Variants in PGBD2 observed in about 807,000 individuals in gnomAD.
PGBD2 encodes piggyBac transposable element-derived protein 2.
In PGBD2, 6 loss-of-function variants were observed where a neutral mutation model predicts 8.1. That is an observed-to-expected ratio of 0.74 (90% confidence interval 0.40 to 1.46). The LOEUF is 1.46. Ranked by LOEUF, PGBD2 falls within the 40% of genes most tolerant of loss-of-function variation. The probability of loss-of-function intolerance (pLI) is 0.02; values close to 1 mark genes in which losing one functional copy is unlikely to be tolerated. For synonymous variants in PGBD2, 318 were observed against 272.2 expected (o/e 1.17, Z -1.66); for missense variants, 802 against 739.0 (o/e 1.09, Z -0.99).
intron 1 of PGBD2, 23 bp from the exon 2 acceptor site, chr1:248,913,793 A>T: frequency 7.8e-7 from 1 of 1,280,450 alleles, no homozygotes; most frequent in Admixed American, 1.9e-5. Flanking sequence ...TTTTTTTTTA[A>T]ATTGACTTTT....
upstream of PGBD2, among the ~76,000 whole-genome samples, chr1:248,905,226 C>A (rs530062266): frequency 6.6e-6 from 1 of 152,184 alleles, no homozygotes; most frequent in African/African-American, 2.4e-5. Flanking sequence ...ACACACTTTA[C>A]AGTGACCAAA....
rs776022432 is a variant in PGBD2 at position 248,918,044 on chromosome 1, T to G, written c.1460T>G (p.Ile487Ser). ...GGCATGAAGTGGTACTCAAGCTTTA[T>G]TGGCTATGTCATTGATGCTGCCCTC... ...IRGMKWYSSF[I>S]GYVIDAALNN... The change falls in exon 3 of 3, where the codon ATT becomes AGT. Residue 487 changes from isoleucine to serine, a missense_variant. Ile to Ser is a moderately radical substitution (Grantham distance 142, BLOSUM62 -2). Transcript: ENST00000329291. 1 of 1,614,238 alleles carries G rather than the reference T, an allele frequency of 6.2e-7. No individual in the cohort carries two copies. The highest frequency in any genetic ancestry group is 1.1e-5 in the South Asian group (1 of 91,088).
chr1:248,875,174 T>C, the PGBD2 span, among the ~76,000 whole-genome samples: 5 of 152,012 alleles, frequency 3.3e-5, no homozygotes, highest in South Asian at 4.1e-4. Flanking sequence ...CAGGTGCCTG[T>C]AGTCCCAGCT....
the PGBD2 span, among the ~76,000 whole-genome samples, chr1:248,891,333 G>C: frequency 6.6e-6 from 1 of 152,138 alleles, no homozygotes; most frequent in Admixed American, 6.5e-5. Flanking sequence ...GGAACTCGGT[G>C]GGTGAGGACA....
At chr1:248,895,781 A>C in the PGBD2 span, among the ~76,000 whole-genome samples, 1 of 151,852 alleles carries the variant, frequency 6.6e-6, no homozygotes, top group Non-Finnish European at 1.5e-5. Flanking sequence ...TCCGCCTCCC[A>C]GGTTCAAGCG....
chr1:248,921,401 C>A (rs1403540302), downstream of PGBD2, among the ~76,000 whole-genome samples: 2 of 152,180 alleles, frequency 1.3e-5, no homozygotes, highest in African/African-American at 4.8e-5. Flanking sequence ...GGAATCTTTT[C>A]ACCATTGCTT....
chr1:248,874,959 CAAAT>C, the PGBD2 span, among the ~76,000 whole-genome samples: 2,039 of 144,374 alleles, frequency 0.014, 46 homozygotes, highest in African/African-American at 0.05. Context: ...GATAGATAGA[CAAAT>C]AGATAGAGAT....
the PGBD2 span, among the ~76,000 whole-genome samples, chr1:248,882,577 C>A: frequency 6.6e-6 from 1 of 152,140 alleles, no homozygotes; most frequent in Non-Finnish European, 1.5e-5. Flanking sequence ...CTAAAGAGGC[C>A]TAGAAGAGCC....
chr1:248,902,640 T>C (rs112665369), upstream of PGBD2, among the ~76,000 whole-genome samples: 37 of 152,318 alleles, frequency 2.4e-4, no homozygotes, highest in African/African-American at 8.2e-4. Flanking sequence ...ATGTGGTACA[T>C]ATACAACATG....
chr1:248,916,783 G>A lies in PGBD2; in HGVS notation c.199G>A (p.Gly67Ser), dbSNP rs1183023391. 2 of 1,614,074 alleles carry A rather than the reference G, an allele frequency of 1.2e-6. No homozygotes were observed. Among genetic ancestry groups the A allele is most frequent in the African/African-American group, 1.3e-5 (1 of 74,926 alleles). ...CTCAGGGGATGAAGACAGCCAGCGAGGTGCTCACCTACCTGGCAGTGTGCT... is the reference window on the plus strand; with the variant it reads ...CTCAGGGGATGAAGACAGCCAGCGAAGTGCTCACCTACCTGGCAGTGTGCT... ...EDSGDEDSQR[G>S]AHLPGSVLHA... is the part of the protein sequence containing the mutation. The change falls in exon 3 of 3, where the codon GGT becomes AGT. Residue 67 changes from glycine to serine, a missense_variant. Coordinates refer to ENST00000329291, the MANE Select transcript of PGBD2 (RefSeq NM_170725.3).
chr1:248,928,447 T>C, the PGBD2 span, among the ~76,000 whole-genome samples: 1 of 152,224 alleles, frequency 6.6e-6, no homozygotes, highest in African/African-American at 2.4e-5. Context: ...GGAACACAGG[T>C]AGCTCTAATA....
chr1:248,874,259 C>T, the PGBD2 span, among the ~76,000 whole-genome samples: 13 of 152,122 alleles, frequency 8.5e-5, no homozygotes, highest in Non-Finnish European at 1.3e-4. Context: ...CCCTGGTGGT[C>T]TAGTGGTTAG....
chr1:248,874,361 G>C, the PGBD2 span, among the ~76,000 whole-genome samples: 1 of 152,198 alleles, frequency 6.6e-6, no homozygotes, highest in Non-Finnish European at 1.5e-5. Flanking sequence ...CTAACCATAG[G>C]TGATGTTCCC....
In PGBD2 at chr1:248,917,198, C is replaced by T. The variant is rs1662134760; in HGVS notation, c.614C>T (p.Pro205Leu). Residue 205 changes from proline (P) to leucine (L), a missense_variant, in exon 3 of 3, where the codon CCC (proline) becomes CTC (leucine). Coordinates refer to ENST00000329291, the MANE Select transcript of PGBD2 (RefSeq NM_170725.3). ...AGAAGGATGTTCTGGGAAACCTCTC[C>T]CGATTCACATCATCATCTTGTGGCT... ...PRRRMFWETS[P>L]DSHHHLVADA... 3 of 1,613,964 alleles carry T rather than the reference C, an allele frequency of 1.9e-6. No homozygotes were observed. Among genetic ancestry groups the T allele is most frequent in the Non-Finnish European group, 2.5e-6 (3 of 1,180,028 alleles).
At chr1:248,924,334 CTG>C (rs987628700), downstream of PGBD2, among the ~76,000 whole-genome samples, 11 of 152,252 alleles carry the variant, frequency 7.2e-5, no homozygotes, top group African/African-American at 2.7e-4. Flanking sequence ...GTGTAATTCA[CTG>C]TAGCCCTTGA....
chr1:248,914,590 C>T, intron 2 of PGBD2: 2 of 1,289,010 alleles, frequency 1.6e-6, no homozygotes, highest in Non-Finnish European at 2.0e-6. Flanking sequence ...TGTGGTAAAT[C>T]CTGCATCCTT....
the PGBD2 span, among the ~76,000 whole-genome samples, chr1:248,898,202 A>G: frequency 2.6e-5 from 4 of 152,200 alleles, no homozygotes; most frequent in Non-Finnish European, 5.9e-5. Context: ...GTTCTCCCCA[A>G]CAGTGTACCA....
chr1:248,877,335 G>T, the PGBD2 span, among the ~76,000 whole-genome samples: 1 of 152,166 alleles, frequency 6.6e-6, no homozygotes, highest in Admixed American at 6.5e-5. Context: ...GCCTAAATGT[G>T]GTTTGTATAT....
intron 1 of PGBD2, among the ~76,000 whole-genome samples, chr1:248,909,951 G>C (rs569164867): frequency 2.6e-5 from 4 of 152,336 alleles, no homozygotes; most frequent in Admixed American, 2.6e-4. Context: ...CAAGTTCTTG[G>C]TAGGCTGTGA....
Sources: gnomAD v4.1 joint callset for allele counts (sites outside exome capture counted in the v4.1 genomes callset) on GRCh38, gnomAD v4.1.1 for gene constraint, MANE v1.5 for transcripts, NCBI Gene and HGNC (gene_info 2026-07-23, HGNC 2026-07-21) for gene names.